The following ZNF410 variants were observed in gnomAD, a reference collection of about 807,000 sequenced individuals.
The protein encoded by ZNF410 is zinc finger protein 410, also known as another partner for ARF 1.
In ZNF410, 18 loss-of-function variants were observed where a neutral mutation model predicts 54.8. The observed-to-expected ratio is 0.33, with a 90% CI of 0.23 to 0.49. ZNF410 has a LOEUF of 0.49. Among genes scored for constraint, ZNF410 ranks in the 20% least tolerant of loss-of-function variants. ZNF410 has a pLI of 0.99. For synonymous variants in ZNF410, 191 were observed against 207.3 expected (o/e 0.92, Z 0.68); for missense variants, 405 against 569.6 (o/e 0.71, Z 2.94).
At chr14:73,925,066 C>T (rs914194988) in intron 11 of ZNF410, among the ~76,000 whole-genome samples, 4 of 152,214 alleles carry the variant, frequency 2.6e-5, no homozygotes, top group Non-Finnish European at 5.9e-5. Context: ...CTCCATTATT[C>T]TCTAATATCT....
Position 73,904,435 on chromosome 14 carries a change from G to C in ZNF410, c.731+325G>C, listed in dbSNP as rs536924606. On this transcript the variant is annotated intron_variant, in intron 6 of 11. Coordinates refer to ENST00000555044, the MANE Select transcript of ZNF410 (RefSeq NM_021188.3). Reference sequence around the variant, plus strand: ...TTGAACCTATGAGATCAGTTTAAGGGGTGGTGCTAGGCATCTGTAGTTTTT... The same window carrying C: ...TTGAACCTATGAGATCAGTTTAAGGCGTGGTGCTAGGCATCTGTAGTTTTT... 3.3e-5 allele frequency among the ~76,000 whole-genome samples: 5 copies of C among 152,188 alleles called. No homozygotes were observed. The South Asian group carries it at 8.3e-4, about 25-fold the overall frequency.
chr14:73,896,339 T>G lies in ZNF410; in HGVS notation c.193T>G (p.Ser65Ala), dbSNP rs1308786301. The G allele has an allele frequency of 6.2e-7, 1 of 1,613,976 alleles. No individual in the cohort carries two copies. Among genetic ancestry groups the G allele is most frequent in the African/African-American group, 1.3e-5 (1 of 74,926 alleles). The stretch of plus-strand genomic sequence containing the variant: ...AGATGATACTACAAATCATTCTAAC[T>G]CCTCCAAGGAGGTCCCTTCCTCAGC... ...LPDDTTNHSN[S>A]SKEVPSSAVL... Residue 65 changes from serine to alanine, a missense_variant, in exon 4 of 12, where the codon TCC (serine) becomes GCC (alanine). Physicochemically the swap from Ser to Ala is moderately conservative, Grantham distance 99. Around this residue, in one of 3 missense-constraint regions of ZNF410, gnomAD observed 247 missense variants for 342.8 expected, o/e 0.72. Coordinates refer to ENST00000555044, the MANE Select transcript of ZNF410 (RefSeq NM_021188.3).
chr14:73,904,776 C>A, intron 6 of ZNF410, 126 bp from the exon 7 acceptor site: 1 of 1,050,356 alleles, frequency 9.5e-7, no homozygotes, highest in African/African-American at 1.6e-5. Flanking sequence ...ACAAAGTCTT[C>A]AGTTGATTCT....
chr14:73,898,450 C>A, intron 5 of ZNF410, 188 bp downstream of exon 5: 2 of 647,292 alleles, frequency 3.1e-6, no homozygotes, highest in African/African-American at 1.8e-5. Context: ...TGTTCAAAAC[C>A]AACTAGTATT....
intron 4 of ZNF410, among the ~76,000 whole-genome samples, chr14:73,897,015 A>T (rs147975856): frequency 6.6e-6 from 1 of 152,318 alleles, no homozygotes; most frequent in Non-Finnish European, 1.5e-5. Flanking sequence ...ATTTAAGAGG[A>T]CAACAGAACA....
chr14:73,929,844 G>A (rs2055885572), intron 11 of ZNF410, among the ~76,000 whole-genome samples: 1 of 151,910 alleles, frequency 6.6e-6, no homozygotes, highest in Non-Finnish European at 1.5e-5. Context: ...ATTACCATGG[G>A]AAAAATATCA....
Position 73,896,306 on chromosome 14 carries a change from C to T in ZNF410, c.170-10C>T. ...TGCTACATAAAGCTGTGGTATTTTCCCTTTACTAGATGATACTACAAATCA... is the reference window on the plus strand; with the variant it reads ...TGCTACATAAAGCTGTGGTATTTTCTCTTTACTAGATGATACTACAAATCA... On this transcript the variant is annotated splice_polypyrimidine_tract_variant and intron_variant, in intron 3 of 11. Transcript: ENST00000555044. 1 of 1,610,760 alleles carries T rather than the reference C, an allele frequency of 6.2e-7. No individual in the cohort carries two copies. Among genetic ancestry groups the T allele is most frequent in the Non-Finnish European group, 8.5e-7 (1 of 1,177,148 alleles).
chr14:73,927,277 C>G, intron 11 of ZNF410: 1 of 187,642 alleles, frequency 5.3e-6, no homozygotes, highest in Non-Finnish European at 1.2e-5. Context: ...CGGGGTTTCA[C>G]CATGTTGGCT....
At position 73,920,765 on chromosome 14, in the gene ZNF410, G is replaced by GC. The variant is rs1371797916; in HGVS notation, c.1004-214dup. 3 of 535,098 alleles carry GC rather than the reference G, an allele frequency of 5.6e-6. No homozygotes were observed. In the African/African-American group the frequency reaches 5.7e-5, roughly 10 times the overall value. The allele number at this position is 535,098 out of a possible 1,614,324, so 33.1% of individuals were successfully genotyped here. A position where few individuals can be genotyped will look rare whatever the true frequency, so the allele number is the denominator to read the frequency against. ...ATTACAGAAGGTCTGGAAAGGACCA[G>GC]CAGCTGGGAGCAGGGAGTGTGCTAA... is the stretch of plus-strand genomic sequence containing the variant. On this transcript the variant is annotated intron_variant, in intron 8 of 11. Transcript: ENST00000555044.
At chr14:73,915,274 AGT>A (rs1433978475) in intron 8 of ZNF410, among the ~76,000 whole-genome samples, 1 of 149,158 alleles carries the variant, frequency 6.7e-6, no homozygotes, top group Non-Finnish European at 1.5e-5. Flanking sequence ...AAAAAAAAAA[AGT>A]GGTGAGAGTA....
intron 3 of ZNF410, chr14:73,894,465 A>C (rs1171431325): frequency 9.9e-5 from 68 of 685,556 alleles, no homozygotes; most frequent in Non-Finnish European, 1.6e-4. Flanking sequence ...TCTGTCGCCC[A>C]GGCTGGAGTG....
intron 1 of ZNF410, among the ~76,000 whole-genome samples, chr14:73,887,816 T>G (rs1214167264): frequency 1.3e-5 from 2 of 152,174 alleles, no homozygotes; most frequent in Non-Finnish European, 2.9e-5. Context: ...TCTAAGTAGA[T>G]GTCTAATTTT....
chr14:73,900,832 T>C (rs1186107932), intron 5 of ZNF410, among the ~76,000 whole-genome samples: 3 of 152,212 alleles, frequency 2.0e-5, no homozygotes, highest in Non-Finnish European at 4.4e-5. Flanking sequence ...ATTATGAGAT[T>C]TTTTTGTTTG....
At chr14:73,892,400 A>G (rs2055244093) in intron 2 of ZNF410, among the ~76,000 whole-genome samples, 192 bp downstream of exon 2, 1 of 151,778 alleles carries the variant, frequency 6.6e-6, no homozygotes, top group South Asian at 2.1e-4. Flanking sequence ...GATTGTTTTT[A>G]TATCTGTTTT....
At chr14:73,890,723 T>C (rs768118792) in intron 1 of ZNF410, among the ~76,000 whole-genome samples, 15 of 152,026 alleles carry the variant, frequency 9.9e-5, no homozygotes, top group Admixed American at 2.0e-4. Flanking sequence ...ATTTAAGTTA[T>C]AGGGAGTGGC....
At position 73,886,887 on chromosome 14, in the gene ZNF410, A is replaced by ACGGC. The variant is rs1280408132; in HGVS notation, c.-169_-166dup. The ACGGC allele has an allele frequency of 9.2e-5, 14 of 152,872 alleles. No individual in the cohort carries two copies. The highest frequency in any genetic ancestry group is 3.4e-4 in the African/African-American group (14 of 41,584). 9.5% of individuals were successfully genotyped at this position (152,872 alleles called of 1,614,324 possible). A position where few individuals can be genotyped will look rare whatever the true frequency, so the allele number is the denominator to read the frequency against. On this transcript the variant is annotated 5_prime_UTR_variant, in exon 1 of 12. Coordinates refer to ENST00000555044, the MANE Select transcript of ZNF410 (RefSeq NM_021188.3). ...TGTGGACGGAATTCGGGACCGACTG[A>ACGGC]CGGCCGGCCGGCTTCCCGGAACTGG...
chr14:73,924,832 A>G, intron 11 of ZNF410: 1 of 333,076 alleles, frequency 3.0e-6, no homozygotes. Context: ...GCGTGCCACC[A>G]CGCCCAGCTA....
chr14:73,926,094 T>G (rs1240463090), intron 11 of ZNF410, among the ~76,000 whole-genome samples: 3 of 152,212 alleles, frequency 2.0e-5, no homozygotes, highest in African/African-American at 7.2e-5. Flanking sequence ...CTCCTTTTGT[T>G]GTTGTTGCTG....
chr14:73,925,624 T>C (rs988117369), intron 11 of ZNF410, among the ~76,000 whole-genome samples: 3 of 152,020 alleles, frequency 2.0e-5, no homozygotes, highest in Admixed American at 1.3e-4. Context: ...GATAGGGTTT[T>C]ACCCTGTTGG....
Sources: gnomAD v4.1 joint callset for allele counts (sites outside exome capture counted in the v4.1 genomes callset) on GRCh38, gnomAD v4.1.1 for gene constraint, gnomAD v4.1.1 regional missense constraint, MANE v1.5 for transcripts, NCBI Gene and HGNC (gene_info 2026-07-23, HGNC 2026-07-21) for gene names.